Variants in PTPN7 observed in about 807,000 individuals in gnomAD.
PTPN7 encodes tyrosine-protein phosphatase non-receptor type 7.
Under a neutral mutation model 50.3 loss-of-function variants are expected in PTPN7, and 33 were observed. The observed-to-expected ratio is 0.66, with a 90% CI of 0.50 to 0.88. PTPN7 has a LOEUF of 0.88. Among genes scored for constraint, PTPN7 ranks in the 40% least tolerant of loss-of-function variants. The pLI is 0.00. For missense variants in PTPN7, 412 were observed against 475.4 expected, an observed-to-expected ratio of 0.87 and a Z score of 1.24; for synonymous variants, 185 against 186.6, an observed-to-expected ratio of 0.99 and a Z score of 0.07.
intron 6 of PTPN7, among the ~76,000 whole-genome samples, 172 bp from the exon 7 acceptor site, chr1:202,154,007 C>G (rs994518271): frequency 6.6e-6 from 1 of 152,098 alleles, no homozygotes; most frequent in African/African-American, 2.4e-5. Flanking sequence ...CTCACCCTAT[C>G]CCGTATTTTG....
At chr1:202,155,489 G>T in intron 5 of PTPN7, 44 bp downstream of exon 5, 1 of 1,504,966 alleles carries the variant, frequency 6.6e-7, no homozygotes, top group Non-Finnish European at 9.2e-7. Context: ...AGACGTCTGA[G>T]AATTCCCCCA....
chr1:202,152,336 GGCCTGGGTGTCCA>G (rs1181453358), intron 8 of PTPN7, among the ~76,000 whole-genome samples, 193 bp downstream of exon 8: 1 of 152,218 alleles, frequency 6.6e-6, no homozygotes, highest in Admixed American at 6.5e-5. Flanking sequence ...CTATGGATGG[GGCCTGGGTGTCCA>G]GCCCAGATGT....
In PTPN7 at chr1:202,158,321, C is replaced by G; in HGVS notation, c.123-20G>C. The G allele has an allele frequency of 3.1e-6, 5 of 1,610,522 alleles. No individual in the cohort carries two copies. Among genetic ancestry groups the G allele is most frequent in the Non-Finnish European group, 4.2e-6 (5 of 1,178,758 alleles). On this transcript the variant is annotated intron_variant, in intron 2 of 9. Transcript: ENST00000691036. ...CCCCGCCTGCAGGCATAGCCCACCACTGCCTAGTGAGCACCCAATCATATT... is the reference window on the plus strand; with the variant it reads ...CCCCGCCTGCAGGCATAGCCCACCAGTGCCTAGTGAGCACCCAATCATATT...
At chr1:202,154,012 AT>A (rs1656355447) in intron 6 of PTPN7, among the ~76,000 whole-genome samples, 173 bp downstream of exon 6, 2 of 150,706 alleles carry the variant, frequency 1.3e-5, no homozygotes, top group Non-Finnish European at 1.5e-5. Context: ...CCTATCCCGT[AT>A]TTTGGCCATA....
intron 3 of PTPN7, 50 bp from the exon 4 acceptor site, chr1:202,157,873 T>C (rs1178451440): frequency 1.3e-6 from 2 of 1,550,194 alleles, no homozygotes; most frequent in Non-Finnish European, 1.8e-6. Context: ...CCTCCTTTTC[T>C]CTCCTTCTAC....
rs781093850 is a variant in PTPN7 at position 202,148,682 on chromosome 1, G to A, written c.1007C>T (p.Thr336Met). ...LRLDRGGMIQ[T>M]AEQYQFLHHT... ...GTGCAGGAACTGGTACTGCTCTGCC[G>A]TCTGGATCATCCCCCCTCTGCAAGG... is the stretch of plus-strand genomic sequence containing the variant. The change falls in exon 10 of 10, where the codon ACG (threonine) becomes ATG (methionine). Residue 336 changes from threonine (T) to methionine (M), a missense_variant. By Grantham distance (81) the Thr-to-Met change is moderately conservative. Transcript: ENST00000691036. The A allele has an allele frequency of 1.4e-5, 23 of 1,613,676 alleles. No homozygotes were observed. The highest frequency in any genetic ancestry group is 1.7e-4 in the Middle Eastern group (1 of 6,058).
Position 202,160,097 on chromosome 1 carries a change from C to A in PTPN7, c.-53+448G>T. 3.3e-6 allele frequency: 2 copies of A among 610,832 alleles called. No individual in the cohort carries two copies. The highest frequency in any genetic ancestry group is 4.1e-6 in the Non-Finnish European group (2 of 482,282). 37.8% of individuals were successfully genotyped at this position (610,832 alleles called of 1,614,324 possible). On this transcript the variant is annotated intron_variant, in intron 1 of 9. Coordinates refer to ENST00000691036, the MANE Select transcript of PTPN7 (RefSeq NM_002832.4). This position sits in a 1 kb window ranked among gnomAD's most constrained non-coding sequence, Gnocchi z 4.8. Reference sequence around the variant, plus strand: ...TAACCGTCACAGGAAATGGCCTCACCAAGCCCTTGAACGACAGCGCATGGT... The same window carrying A: ...TAACCGTCACAGGAAATGGCCTCACAAAGCCCTTGAACGACAGCGCATGGT...
In PTPN7 at chr1:202,157,649, T is replaced by C. The variant is rs1028494526; in HGVS notation, c.391+90A>G. 8 of 1,267,174 alleles carry C rather than the reference T, an allele frequency of 6.3e-6. 1 individual carries two copies. The African/African-American group carries it at 1.2e-4, about 19-fold the overall frequency. The allele number at this position is 1,267,174 out of a possible 1,614,324, so 78.5% of individuals were successfully genotyped here. A position where few individuals can be genotyped will look rare whatever the true frequency, so the allele number is the denominator to read the frequency against. On this transcript the variant is annotated intron_variant, in intron 4 of 9. Transcript: ENST00000691036. ...AAGATGTGCCAAGCAAGGTTGATCT[T>C]CCCTGGCTGAAACTGTGTACTTTGT...
chr1:202,150,959 C>G (rs1046780714), intron 8 of PTPN7, among the ~76,000 whole-genome samples: 2 of 152,080 alleles, frequency 1.3e-5, no homozygotes, highest in Non-Finnish European at 2.9e-5. Context: ...TGCGTGAGCC[C>G]CTAATGACCT....
rs1657089638 is a variant in PTPN7 at position 202,159,396 on chromosome 1, G to C, written c.7C>G (p.Gln3Glu). 1 of 1,614,086 alleles carries C rather than the reference G, an allele frequency of 6.2e-7. No individual in the cohort carries two copies. The highest frequency in any genetic ancestry group is 1.7e-5 in the Admixed American group (1 of 60,010). ...GCTCTGGAGCGCCCCCCATGGGCTT[G>C]GACCATGCTGAGGTGGGGTGCTGGG... MV[Q>E]AHGGRSRAQP... The change falls in exon 2 of 10, where the codon CAA (glutamine) becomes GAA (glutamate). Residue 3 changes from glutamine to glutamate, a missense_variant. By Grantham distance (29) the Gln-to-Glu change is conservative (BLOSUM62 2). Transcript: ENST00000691036. The surrounding 1 kb of genome is among the most constrained non-coding windows in gnomAD (Gnocchi z 4.6).
intron 8 of PTPN7, among the ~76,000 whole-genome samples, 190 bp from the exon 9 acceptor site, chr1:202,150,614 A>C (rs1328360205): frequency 6.6e-6 from 1 of 152,142 alleles, no homozygotes; most frequent in Non-Finnish European, 1.5e-5. Flanking sequence ...GGCAGGTTTT[A>C]ATTGGCATGG....
At chr1:202,160,696 C>T (rs1417119485), upstream of PTPN7, 139 of 1,550,450 alleles carry the variant, frequency 9.0e-5, no homozygotes, top group Non-Finnish European at 1.2e-4. The surrounding 1 kb of genome is among the most constrained non-coding windows in gnomAD (Gnocchi z 4.8). Flanking sequence ...ATTCTGCCCT[C>T]CTGTGCCTGC....
intron 4 of PTPN7, among the ~76,000 whole-genome samples, chr1:202,157,074 G>A (rs1330756640): frequency 2.0e-5 from 3 of 152,208 alleles, no homozygotes; most frequent in Non-Finnish European, 4.4e-5. Context: ...GCAAGAGGAA[G>A]ACAGGGAAAG....
chr1:202,154,096 T>C, intron 6 of PTPN7, 90 bp downstream of exon 6: 1 of 1,570,200 alleles, frequency 6.4e-7, no homozygotes. Flanking sequence ...CAGGGAAACC[T>C]CTGGTTCTGA....
intron 8 of PTPN7, 74 bp from the exon 9 acceptor site, chr1:202,150,498 G>A: frequency 1.6e-6 from 2 of 1,228,830 alleles, no homozygotes; most frequent in East Asian, 2.5e-5. Flanking sequence ...CCAAACTATG[G>A]AGAAAGAAAT....
rs532892125 is a variant in PTPN7 at position 202,159,754 on chromosome 1, C to T, written c.-52-300G>A. On this transcript the variant is annotated intron_variant, in intron 1 of 9. Coordinates refer to ENST00000691036, the MANE Select transcript of PTPN7 (RefSeq NM_002832.4). This position sits in a 1 kb window ranked among gnomAD's most constrained non-coding sequence, Gnocchi z 4.6. ...GCCACACACCAGAGTACACAGGGCT[C>T]TGAGCAGGTCCAAGTGGGAGAAGGC... 9 of 1,289,066 alleles carry T rather than the reference C, an allele frequency of 7.0e-6. No homozygotes were observed. Among genetic ancestry groups the T allele is most frequent in the African/African-American group, 4.5e-5 (3 of 67,076 alleles). 79.9% of individuals were successfully genotyped at this position (1,289,066 alleles called of 1,614,324 possible).
upstream of PTPN7, chr1:202,161,571 C>T (rs781189158): frequency 9.4e-6 from 12 of 1,281,728 alleles, no homozygotes; most frequent in African/African-American, 7.6e-5. Context: ...GCTCGCTGCA[C>T]GCCTCCTTTT....
chr1:202,160,553 C>T lies in PTPN7; in HGVS notation c.-61G>A. On this transcript the variant is annotated 5_prime_UTR_variant, in exon 1 of 10. Transcript: ENST00000691036. This position sits in a 1 kb window ranked among gnomAD's most constrained non-coding sequence, Gnocchi z 4.8. ...CCCCTTCAGATACTTACTGAAGCAG[C>T]TGTGGCCCCCAGGCTGCCTCTTGCC... 2 of 1,548,758 alleles carry T rather than the reference C, an allele frequency of 1.3e-6. No homozygotes were observed. The highest frequency in any genetic ancestry group is 1.7e-6 in the Non-Finnish European group (2 of 1,145,616).
At chr1:202,155,071 C>T (rs1216460252) in intron 5 of PTPN7, among the ~76,000 whole-genome samples, 1 of 152,164 alleles carries the variant, frequency 6.6e-6, no homozygotes. Flanking sequence ...CGTGGAACAC[C>T]CACCTGGCCT....
Sources: gnomAD v4.1 joint callset for allele counts (sites outside exome capture counted in the v4.1 genomes callset) on GRCh38, gnomAD v4.1.1 for gene constraint, Gnocchi (gnomAD v3.1) non-coding constraint, MANE v1.5 for transcripts, NCBI Gene and HGNC (gene_info 2026-07-23, HGNC 2026-07-21) for gene names.